Variants in SAMD5 observed in about 807,000 individuals in gnomAD.
SAMD5 encodes sterile alpha motif domain containing 5, also known as sterile alpha motif domain-containing protein 5.
Under a neutral mutation model 11.3 loss-of-function variants are expected in SAMD5, and 13 were observed. That is an observed-to-expected ratio of 1.15 (90% confidence interval 0.75 to 1.83). The LOEUF (loss-of-function observed/expected upper bound fraction) is 1.83. Among genes scored for constraint, SAMD5 ranks in the 40% most tolerant of loss-of-function variants. SAMD5 has a pLI of 0.00. For missense variants in SAMD5, 255 were observed against 239.1 expected (o/e 1.07, Z -0.44); for synonymous variants, 129 against 111.3 (o/e 1.16, Z -1.00).
Position 147,613,363 on chromosome 6 carries a change from C to T in SAMD5, c.162+103976C>T, listed in dbSNP as rs1210215136. Among the ~76,000 whole-genome samples, 5 of 151,816 alleles carry T rather than the reference C, an allele frequency of 3.3e-5. No individual in the cohort carries two copies. The East Asian group carries it at 7.7e-4, about 23-fold the overall frequency. ...AAATGACTTCTGAGAGCCCCACGCA[C>T]TAAGAGATAGTCTGATCCATTGTCA... On this transcript the variant is annotated intron_variant, in intron 1 of 1. Transcript: ENST00000566741.
chr6:147,909,626 T>TTCTCTCTCTCTCTCTCTCTCTCTCTC, the SAMD5 span, among the ~76,000 whole-genome samples: 1 of 59,260 alleles, frequency 1.7e-5, no homozygotes, highest in African/African-American at 8.6e-5. Context: ...CTTTCTTTCT[T>TTCTCTCTCTCTCTCTCTCTCTCTCTC]TCTTTCTCTT....
chr6:147,655,027 T>C (rs963707917), intron 1 of SAMD5, among the ~76,000 whole-genome samples: 1 of 152,112 alleles, frequency 6.6e-6, no homozygotes, highest in Non-Finnish European at 1.5e-5. Context: ...TCAAGGCACC[T>C]AGCAATTTTA....
intron 1 of SAMD5, among the ~76,000 whole-genome samples, chr6:147,530,766 C>T (rs1395899370): frequency 1.3e-5 from 2 of 152,158 alleles, no homozygotes; most frequent in African/African-American, 2.4e-5. Flanking sequence ...GGGACCAGGC[C>T]GTGGTTCCCA....
At chr6:147,647,253 T>C (rs1337049576) in intron 1 of SAMD5, among the ~76,000 whole-genome samples, 2 of 152,144 alleles carry the variant, frequency 1.3e-5, no homozygotes, top group East Asian at 1.9e-4. Flanking sequence ...TATTCTGTCA[T>C]CTTCATGTTG....
chr6:147,802,249 A>C, the SAMD5 span, among the ~76,000 whole-genome samples: 5 of 152,200 alleles, frequency 3.3e-5, no homozygotes, highest in African/African-American at 1.2e-4. Context: ...AATAGGCAAA[A>C]TATTTACACA....
intron 1 of SAMD5, among the ~76,000 whole-genome samples, chr6:147,530,037 C>A (rs1336573390): frequency 2.0e-5 from 3 of 152,096 alleles, no homozygotes; most frequent in Non-Finnish European, 4.4e-5. Context: ...TATGGTGTTT[C>A]TTTTTTTATT....
chr6:147,782,271 A>G, the SAMD5 span, among the ~76,000 whole-genome samples: 4 of 152,228 alleles, frequency 2.6e-5, no homozygotes, highest in African/African-American at 9.6e-5. Context: ...AGAATATGAC[A>G]AAGCTCCAAC....
intron 1 of SAMD5, among the ~76,000 whole-genome samples, chr6:147,656,298 A>G (rs564654770): frequency 6.6e-6 from 1 of 152,300 alleles, no homozygotes. Flanking sequence ...CTACTCTTTA[A>G]AAATCCCTAT....
chr6:147,576,423 G>A (rs1008407887), intron 1 of SAMD5, among the ~76,000 whole-genome samples: 1 of 152,176 alleles, frequency 6.6e-6, no homozygotes, highest in Non-Finnish European at 1.5e-5. Flanking sequence ...ACAGGCGTGA[G>A]CCACTGTGCC....
the SAMD5 span, among the ~76,000 whole-genome samples, chr6:147,909,630 TTC>T: frequency 0.19 from 8,270 of 44,432 alleles, 1,162 homozygotes; most frequent in African/African-American, 0.32. Context: ...CTTTCTTTCT[TTC>T]TCTTTCTTGT....
the SAMD5 span, among the ~76,000 whole-genome samples, chr6:147,810,765 A>G: frequency 1.0e-3 from 156 of 152,330 alleles, 1 homozygote; most frequent in African/African-American, 3.6e-3. Context: ...GGTACAAAGA[A>G]TGCACTATTA....
At chr6:147,643,744 A>AGAAG (rs6149848) in intron 1 of SAMD5, among the ~76,000 whole-genome samples, 25,142 of 115,880 alleles carry the variant, frequency 0.22, 2,963 homozygotes, top group Middle Eastern at 0.25. Flanking sequence ...AGGGAAGGAA[A>AGAAG]GAAGGAAGGA....
chr6:147,780,655 G>A, the SAMD5 span, among the ~76,000 whole-genome samples: 2 of 152,156 alleles, frequency 1.3e-5, no homozygotes, highest in Non-Finnish European at 2.9e-5. Flanking sequence ...TGAATGAAAT[G>A]GGAAATCTTA....
At chr6:147,573,322 G>A (rs2128445543), downstream of SAMD5, among the ~76,000 whole-genome samples, 1 of 152,306 alleles carries the variant, frequency 6.6e-6, no homozygotes, top group Non-Finnish European at 1.5e-5. Context: ...TACAATCATG[G>A]TGGAAAGTGA....
chr6:147,731,354 G>A (rs1253673814), intron 1 of SAMD5, among the ~76,000 whole-genome samples: 1 of 152,152 alleles, frequency 6.6e-6, no homozygotes. Flanking sequence ...ATAGAATGCA[G>A]AGAAAGTCTT....
At chr6:147,575,579 C>T (rs760265453) in intron 1 of SAMD5, among the ~76,000 whole-genome samples, 1 of 152,228 alleles carries the variant, frequency 6.6e-6, no homozygotes, top group Non-Finnish European at 1.5e-5. Context: ...AAAATATGTG[C>T]ATTCAAATCA....
At chr6:147,578,142 T>G (rs1264701176) in intron 1 of SAMD5, among the ~76,000 whole-genome samples, 1 of 152,206 alleles carries the variant, frequency 6.6e-6, no homozygotes, top group Admixed American at 6.5e-5. Flanking sequence ...GCCATGCATT[T>G]AGTTTACTGT....
chr6:147,782,253 C>T, the SAMD5 span, among the ~76,000 whole-genome samples: 14 of 152,082 alleles, frequency 9.2e-5, no homozygotes, highest in African/African-American at 2.7e-4. Flanking sequence ...TTAAATGGCT[C>T]CACTTAGAGA....
chr6:147,788,945 G>A, the SAMD5 span, among the ~76,000 whole-genome samples: 15 of 152,014 alleles, frequency 9.9e-5, no homozygotes, highest in East Asian at 3.9e-4. Context: ...TTAGCCGGGC[G>A]TAGTGGCAGG....
Sources: gnomAD v4.1 joint callset for allele counts (sites outside exome capture counted in the v4.1 genomes callset) on GRCh38, gnomAD v4.1.1 for gene constraint, MANE v1.5 for transcripts, NCBI Gene and HGNC (gene_info 2026-07-23, HGNC 2026-07-21) for gene names.